The following RAB27A variants were observed in gnomAD, a reference collection of about 807,000 sequenced individuals.
RAB27A encodes ras-related protein Rab-27A.
A neutral mutation model predicts 20.8 loss-of-function variants in RAB27A; 17 were observed. The observed-to-expected ratio is 0.82, with a 90% CI of 0.56 to 1.23. The LOEUF (loss-of-function observed/expected upper bound fraction) is 1.23. RAB27A is among the 50% of genes most tolerant of loss of function. RAB27A has a pLI of 0.00. For synonymous variants in RAB27A, 85 were observed against 92.8 expected (o/e 0.92, Z 0.48); for missense variants, 277 against 266.7 (o/e 1.04, Z -0.27).
At chr15:55,285,661 T>C (rs12903378) in intron 1 of RAB27A, among the ~76,000 whole-genome samples, 6,731 of 152,278 alleles carry the variant, frequency 0.044, 239 homozygotes, top group Middle Eastern at 0.061. Context: ...GTGAAGGCTA[T>C]AGAAGGGAAA....
intron 1 of RAB27A, among the ~76,000 whole-genome samples, chr15:55,314,647 G>A (rs1023513347): frequency 2.0e-5 from 3 of 152,160 alleles, no homozygotes. Flanking sequence ...CAAATCATGA[G>A]TGAACTCCTA....
chr15:55,285,878 G>A (rs903644770), intron 1 of RAB27A, among the ~76,000 whole-genome samples: 8 of 152,258 alleles, frequency 5.3e-5, no homozygotes, highest in Admixed American at 5.2e-4. Flanking sequence ...GAATGGCCCT[G>A]CCCAGTTTGC....
At chr15:55,220,098 T>A (rs1895495145) in intron 6 of RAB27A, among the ~76,000 whole-genome samples, 2 of 152,200 alleles carry the variant, frequency 1.3e-5, no homozygotes, top group African/African-American at 4.8e-5. Context: ...CAAATTTACT[T>A]GTCCCAGCAC....
At chr15:55,262,766 G>C (rs559665456) in intron 2 of RAB27A, among the ~76,000 whole-genome samples, 2 of 151,878 alleles carry the variant, frequency 1.3e-5, no homozygotes, top group East Asian at 3.9e-4. Flanking sequence ...CCTTGTCCAG[G>C]CTGGTCTGGA....
At chr15:55,292,665 A>G (rs1475095021), upstream of RAB27A, among the ~76,000 whole-genome samples, 1 of 152,222 alleles carries the variant, frequency 6.6e-6, no homozygotes, top group African/African-American at 2.4e-5. Flanking sequence ...GAAGGGTGAA[A>G]TAGGCCATAG....
intron 3 of RAB27A, among the ~76,000 whole-genome samples, chr15:55,231,571 C>A (rs927471694): frequency 6.6e-6 from 1 of 152,118 alleles, no homozygotes; most frequent in Non-Finnish European, 1.5e-5. Flanking sequence ...TTACCTTGCC[C>A]TATTCCCATC....
At chr15:55,312,724 C>A (rs1055903844) in intron 2 of RAB27A, among the ~76,000 whole-genome samples, 1 of 152,020 alleles carries the variant, frequency 6.6e-6, no homozygotes, top group Non-Finnish European at 1.5e-5. Flanking sequence ...AAAGGGGGAT[C>A]AAAAGCAGCT....
intron 1 of RAB27A, among the ~76,000 whole-genome samples, chr15:55,283,418 G>A (rs1039225500): frequency 1.3e-5 from 2 of 152,066 alleles, no homozygotes; most frequent in Non-Finnish European, 1.5e-5. Flanking sequence ...CAGGAAGTCC[G>A]GAACACAGGA....
Position 55,288,143 on chromosome 15 carries a change from T to G in RAB27A, c.-143+1573A>C, listed in dbSNP as rs571782615. Among the ~76,000 whole-genome samples, 11 of 152,296 alleles carry G rather than the reference T, an allele frequency of 7.2e-5. No individual in the cohort carries two copies. In the South Asian group the frequency reaches 1.5e-3, roughly 20 times the overall value. On this transcript the variant is annotated intron_variant, in intron 1 of 6. Transcript: ENST00000336787. ...GTAAGAGCTAAAAACTATAAAACTT[T>G]TAGAAGAAAACATAAGTATAAATCT... is the stretch of plus-strand genomic sequence containing the variant.
chr15:55,282,629 G>A (rs1595746689), intron 1 of RAB27A, among the ~76,000 whole-genome samples: 1 of 152,252 alleles, frequency 6.6e-6, no homozygotes, highest in East Asian at 1.9e-4. Flanking sequence ...GCAGCTGCGA[G>A]CTTATCGTGC....
At chr15:55,244,030 G>A (rs1426449367) in intron 2 of RAB27A, among the ~76,000 whole-genome samples, 2 of 152,208 alleles carry the variant, frequency 1.3e-5, no homozygotes, top group Non-Finnish European at 2.9e-5. Context: ...GGCGGGCACA[G>A]TGGCTCACAC....
At chr15:55,247,208 G>A (rs1329727171) in intron 2 of RAB27A, among the ~76,000 whole-genome samples, 1 of 152,144 alleles carries the variant, frequency 6.6e-6, no homozygotes, top group Non-Finnish European at 1.5e-5. Flanking sequence ...CAACTGGTAA[G>A]TACAGGGAAT....
At chr15:55,241,946 T>G (rs975233492) in intron 2 of RAB27A, among the ~76,000 whole-genome samples, 7 of 151,698 alleles carry the variant, frequency 4.6e-5, no homozygotes, top group Non-Finnish European at 4.4e-5. Flanking sequence ...TAGAAGAGAG[T>G]AGATTTAGTT....
intron 2 of RAB27A, among the ~76,000 whole-genome samples, chr15:55,312,190 C>G (rs1240617123): frequency 2.0e-5 from 3 of 152,218 alleles, no homozygotes. Context: ...ACAGCAGACA[C>G]CCTGCTGGAT....
At chr15:55,206,618 A>G (rs2140895154) in intron 6 of RAB27A, among the ~76,000 whole-genome samples, 1 of 152,330 alleles carries the variant, frequency 6.6e-6, no homozygotes, top group East Asian at 1.9e-4. Context: ...CTGGGACTAC[A>G]GGTGTGAGCT....
chr15:55,239,672 A>C (rs1896403423), intron 2 of RAB27A, among the ~76,000 whole-genome samples: 1 of 152,142 alleles, frequency 6.6e-6, no homozygotes, highest in Non-Finnish European at 1.5e-5. Flanking sequence ...ATGACCCAAC[A>C]ATGAAGATTC....
intron 2 of RAB27A, among the ~76,000 whole-genome samples, chr15:55,244,497 G>C (rs1013974812): frequency 2.6e-5 from 4 of 152,000 alleles, no homozygotes; most frequent in African/African-American, 9.7e-5. Context: ...GTTGTTGTTG[G>C]GGGGAGATGA....
At chr15:55,231,177 T>G (rs747526577) in intron 3 of RAB27A, among the ~76,000 whole-genome samples, 2 of 152,202 alleles carry the variant, frequency 1.3e-5, no homozygotes, top group Non-Finnish European at 2.9e-5. Context: ...CATAGTATTC[T>G]ATGATGTATA....
chr15:55,274,797 TATATATATA>T (rs1897809964), intron 1 of RAB27A, among the ~76,000 whole-genome samples: 2 of 83,740 alleles, frequency 2.4e-5, no homozygotes, highest in Non-Finnish European at 4.8e-5. Flanking sequence ...AAATAAATTA[TATATATATA>T]TATATATATA....
Sources: gnomAD v4.1 joint callset for allele counts (sites outside exome capture counted in the v4.1 genomes callset) on GRCh38, gnomAD v4.1.1 for gene constraint, MANE v1.5 for transcripts, NCBI Gene and HGNC (gene_info 2026-07-23, HGNC 2026-07-21) for gene names.